Variants in ATP6V0A2 observed in about 807,000 individuals in gnomAD.
The protein encoded by ATP6V0A2 is V-type proton ATPase 116 kDa subunit a 2.
A neutral mutation model predicts 104.4 loss-of-function variants in ATP6V0A2; 58 were observed. The ratio of observed to expected loss-of-function variants is 0.56; its 90% CI spans 0.45 to 0.69. The LOEUF (loss-of-function observed/expected upper bound fraction) is 0.69, where lower values mean the gene tolerates loss of function less well. ATP6V0A2 is among the 30% of genes least tolerant of loss of function. The pLI is 0.00. For synonymous variants in ATP6V0A2, 376 were observed against 397.9 expected, an observed-to-expected ratio of 0.95 and a Z score of 0.65; for missense variants, 938 against 1,062.9, an observed-to-expected ratio of 0.88 and a Z score of 1.63.
intron 2 of ATP6V0A2, chr12:123,721,663 C>A: frequency 4.9e-6 from 1 of 205,360 alleles, no homozygotes; most frequent in Non-Finnish European, 1.0e-5. Context: ...CTGACACTTG[C>A]CCCCCAGGCT....
chr12:123,748,625 T>C lies in ATP6V0A2; in HGVS notation c.1775T>C (p.Leu592Pro). The C allele has an allele frequency of 6.2e-7, 1 of 1,614,228 alleles. No individual in the cohort carries two copies. The highest frequency in any genetic ancestry group is 8.5e-7 in the Non-Finnish European group (1 of 1,180,030). The change falls in exon 15 of 20, where the codon CTC becomes CCC. Residue 592 changes from leucine (L) to proline (P), a missense_variant. Physicochemically the swap from Leu to Pro is moderately conservative, Grantham distance 98 (BLOSUM62 -3). Transcript: ENST00000330342. ...TACCTGGTTTCCATCCCGGAACTTC[T>C]CTTCATGCTCTGTATCTTTGGATAC... The part of the protein sequence containing the change: ...NIYLVSIPEL[L>P]FMLCIFGYLI...
At chr12:123,757,763 G>T (rs974378424) in intron 19 of ATP6V0A2, among the ~76,000 whole-genome samples, 164 bp from the exon 20 acceptor site, 3 of 152,186 alleles carry the variant, frequency 2.0e-5, no homozygotes, top group Non-Finnish European at 2.9e-5. Context: ...CACGGGGTTG[G>T]GGGTGCGGGG....
intron 7 of ATP6V0A2, 119 bp from the exon 8 acceptor site, chr12:123,735,412 A>AC (rs1420582094): frequency 5.8e-6 from 5 of 867,098 alleles, no homozygotes; most frequent in Non-Finnish European, 9.6e-6. Context: ...CTGCATCTGC[A>AC]CCCGTGTCTC....
At chr12:123,719,383 A>G (rs1956374963) in intron 2 of ATP6V0A2, among the ~76,000 whole-genome samples, 1 of 150,456 alleles carries the variant, frequency 6.6e-6, no homozygotes, top group Non-Finnish European at 1.5e-5. Context: ...CTGAAGGACA[A>G]AGCTTGTTTT....
chr12:123,741,279 A>C (rs998289477), intron 9 of ATP6V0A2, among the ~76,000 whole-genome samples: 4 of 152,188 alleles, frequency 2.6e-5, no homozygotes, highest in Admixed American at 6.5e-5. Context: ...AAAAAATACA[A>C]AAAATACACA....
At chr12:123,756,730 A>G (rs1306184424) in intron 18 of ATP6V0A2, 85 bp from the exon 19 acceptor site, 3 of 1,441,698 alleles carry the variant, frequency 2.1e-6, no homozygotes, top group African/African-American at 1.4e-5. Flanking sequence ...CAGGGCCGTC[A>G]GGGGGAAACT....
intron 16 of ATP6V0A2, 86 bp from the exon 17 acceptor site, chr12:123,752,197 A>C (rs1379040255): frequency 6.4e-7 from 1 of 1,564,056 alleles, no homozygotes; most frequent in Non-Finnish European, 8.8e-7. Context: ...TGAATCATTA[A>C]GAGAAACAAA....
chr12:123,748,905 G>A, intron 15 of ATP6V0A2, 120 bp downstream of exon 15: 1 of 994,494 alleles, frequency 1.0e-6, no homozygotes, highest in Admixed American at 1.8e-5. Flanking sequence ...TTCTGTCTCT[G>A]CATGTGTCAT....
intron 5 of ATP6V0A2, among the ~76,000 whole-genome samples, 191 bp downstream of exon 5, chr12:123,726,476 A>G (rs1261115979): frequency 6.6e-6 from 1 of 152,180 alleles, no homozygotes; most frequent in African/African-American, 2.4e-5. Flanking sequence ...TGACTTTTTT[A>G]CTCAACACAA....
Position 123,736,921 on chromosome 12 carries a change from A to T in ATP6V0A2, c.826-138A>T. On this transcript the variant is annotated intron_variant, in intron 8 of 19. Transcript: ENST00000330342. Reference sequence around the variant, plus strand: ...GGGAGAAGGAAGGAATGGCTCCCTTAGCTGCCACCAGGATAGGCAGGTGCC... The same window carrying T: ...GGGAGAAGGAAGGAATGGCTCCCTTTGCTGCCACCAGGATAGGCAGGTGCC... 4.7e-6 allele frequency: 4 copies of T among 854,832 alleles called. No homozygotes were observed. The highest frequency in any genetic ancestry group is 7.8e-6 in the Non-Finnish European group (4 of 511,842). 53.0% of individuals were successfully genotyped at this position (854,832 alleles called of 1,614,324 possible).
chr12:123,731,108 C>T (rs1177457127), intron 6 of ATP6V0A2: 1 of 152,142 alleles, frequency 6.6e-6, no homozygotes, highest in Non-Finnish European at 1.5e-5. Context: ...ATCCCTGTCC[C>T]CACGGTTATA....
chr12:123,752,140 G>T, intron 16 of ATP6V0A2, 143 bp from the exon 17 acceptor site: 1 of 1,000,062 alleles, frequency 1.0e-6, no homozygotes, highest in Middle Eastern at 2.4e-4. Flanking sequence ...GATTACAGGT[G>T]TGAGCCACTG....
intron 2 of ATP6V0A2, among the ~76,000 whole-genome samples, chr12:123,719,490 G>A (rs1001074151): frequency 7.9e-5 from 12 of 151,926 alleles, no homozygotes; most frequent in Non-Finnish European, 1.3e-4. Flanking sequence ...GGGTTCCAGC[G>A]ATTCTCCTGC....
chr12:123,722,596 AT>A lies in ATP6V0A2; in HGVS notation c.294+150del, dbSNP rs370237872. ...CTAGGCAGAGAGATTAAAGACCGCT[AT>A]TATGATTAACCCTCAGTAATAGATT... is the stretch of plus-strand genomic sequence containing the variant. On this transcript the variant is annotated intron_variant, in intron 3 of 19. Coordinates refer to ENST00000330342, the MANE Select transcript of ATP6V0A2 (RefSeq NM_012463.4). The A allele has an allele frequency of 2.3e-4, 151 of 667,956 alleles. No homozygotes were observed. The African/African-American group carries it at 2.4e-3, about 11-fold the overall frequency. The allele number at this position is 667,956 out of a possible 1,614,324, so 41.4% of individuals were successfully genotyped here. A position where few individuals can be genotyped will look rare whatever the true frequency, so the allele number is the denominator to read the frequency against.
At position 123,761,268 on chromosome 12, in the gene ATP6V0A2, TG is replaced by T. The variant is rs1956819257; in HGVS notation, c.*3237del. The stretch of plus-strand genomic sequence containing the variant: ...GCATAGGTCAGCCTTACGATGTCCA[TG>T]AATTACATATTCAGACGTTTTAGAG... On this transcript the variant is annotated 3_prime_UTR_variant, in exon 20 of 20. Coordinates refer to ENST00000330342, the MANE Select transcript of ATP6V0A2 (RefSeq NM_012463.4). The T allele has an allele frequency of 6.6e-6, 1 of 152,212 alleles. No homozygotes were observed. Among genetic ancestry groups the T allele is most frequent in the Non-Finnish European group, 1.5e-5 (1 of 68,044 alleles). 9.4% of individuals were successfully genotyped at this position (152,212 alleles called of 1,614,324 possible). A position where few individuals can be genotyped will look rare whatever the true frequency, so the allele number is the denominator to read the frequency against.
chr12:123,728,534 C>A (rs866247346), intron 6 of ATP6V0A2, among the ~76,000 whole-genome samples: 1 of 129,074 alleles, frequency 7.7e-6, no homozygotes, highest in Non-Finnish European at 1.6e-5. Flanking sequence ...CTGTGCCAGG[C>A]CTGTCCTGTC....
chr12:123,748,369 G>T (rs983650041), intron 14 of ATP6V0A2, among the ~76,000 whole-genome samples: 2 of 152,210 alleles, frequency 1.3e-5, no homozygotes, highest in African/African-American at 2.4e-5. Context: ...AGTGAGATTT[G>T]ACCGCAAAAA....
intron 6 of ATP6V0A2, 68 bp downstream of exon 6, chr12:123,727,977 A>C: frequency 6.2e-7 from 1 of 1,605,716 alleles, no homozygotes; most frequent in South Asian, 1.1e-5. Context: ...TATGGTAGAA[A>C]GAATGTTTTT....
At chr12:123,714,944 G>T (rs1223588565) in intron 1 of ATP6V0A2, among the ~76,000 whole-genome samples, 1 of 152,148 alleles carries the variant, frequency 6.6e-6, no homozygotes, top group African/African-American at 2.4e-5. Flanking sequence ...GCTGGGCATG[G>T]CGGGGTGTGC....
Sources: gnomAD v4.1 joint callset for allele counts (sites outside exome capture counted in the v4.1 genomes callset) on GRCh38, gnomAD v4.1.1 for gene constraint, MANE v1.5 for transcripts, NCBI Gene and HGNC (gene_info 2026-07-23, HGNC 2026-07-21) for gene names.